PDE1C: variants seen among roughly 807,000 people sequenced by gnomAD.
The protein encoded by PDE1C is phosphodiesterase 1C, also known as dual specificity calcium/calmodulin-dependent 3',5'-cyclic nucleotide phosphodiesterase 1C.
A neutral mutation model predicts 93.1 loss-of-function variants in PDE1C; 62 were observed. The observed-to-expected ratio is 0.67, with a 90% CI of 0.54 to 0.82. The LOEUF is 0.82. Ranked by LOEUF, PDE1C falls within the 40% of genes least tolerant of loss-of-function variation. The pLI is 0.00. For synonymous variants in PDE1C, 325 were observed against 310.1 expected (o/e 1.05, Z -0.50); for missense variants, 742 against 884.6 (o/e 0.84, Z 2.04).
At chr7:32,058,234 T>C (rs2128703436) in intron 1 of PDE1C, among the ~76,000 whole-genome samples, 1 of 152,290 alleles carries the variant, frequency 6.6e-6, no homozygotes, top group South Asian at 2.1e-4. Context: ...CTGTCTCCAT[T>C]CTTTTCTCCA....
chr7:31,807,411 C>A (rs184201549), intron 16 of PDE1C, among the ~76,000 whole-genome samples: 1 of 151,862 alleles, frequency 6.6e-6, no homozygotes, highest in African/African-American at 2.4e-5. Flanking sequence ...CCCCCTCCCC[C>A]CAAAAAAACC....
the PDE1C span, among the ~76,000 whole-genome samples, chr7:31,677,395 A>G: frequency 6.6e-6 from 1 of 152,208 alleles, no homozygotes; most frequent in South Asian, 2.1e-4. Context: ...ATCCATGCAA[A>G]TACCTTAAAC....
At chr7:31,929,271 C>T (rs1385201908) in intron 2 of PDE1C, among the ~76,000 whole-genome samples, 3 of 152,142 alleles carry the variant, frequency 2.0e-5, no homozygotes, top group Admixed American at 1.3e-4. Context: ...AATACAGGAG[C>T]TCCCAGATTC....
chr7:31,973,455 T>C (rs973488027), intron 2 of PDE1C, among the ~76,000 whole-genome samples: 9 of 152,150 alleles, frequency 5.9e-5, no homozygotes, highest in African/African-American at 2.2e-4. Context: ...ATGGAATTCA[T>C]ATGGGAAAAA....
At chr7:31,673,711 AGTTT>A in the PDE1C span, among the ~76,000 whole-genome samples, 1 of 52,062 alleles carries the variant, frequency 1.9e-5, no homozygotes, top group Non-Finnish European at 3.4e-5. Context: ...GGTAGAAACT[AGTTT>A]TTTTTTTTTT....
At chr7:32,162,270 A>G (rs954862433) in intron 3 of PDE1C, among the ~76,000 whole-genome samples, 5 of 152,196 alleles carry the variant, frequency 3.3e-5, no homozygotes, top group African/African-American at 1.2e-4. Flanking sequence ...TGCATCAAAT[A>G]TAAAATTAAA....
At chr7:32,080,535 C>T (rs941574521) in intron 3 of PDE1C, among the ~76,000 whole-genome samples, 3 of 152,198 alleles carry the variant, frequency 2.0e-5, no homozygotes, top group Non-Finnish European at 4.4e-5. Context: ...CCTTTCAGTG[C>T]ATAAAGGGTT....
intron 3 of PDE1C, among the ~76,000 whole-genome samples, chr7:32,085,111 C>T (rs1178138822): frequency 2.0e-5 from 3 of 147,822 alleles, no homozygotes; most frequent in African/African-American, 7.6e-5. Context: ...GCTAGCAAGA[C>T]TAATAAAGAA....
the PDE1C span, among the ~76,000 whole-genome samples, chr7:31,663,324 C>G: frequency 6.6e-6 from 1 of 152,286 alleles, no homozygotes; most frequent in Non-Finnish European, 1.5e-5. Context: ...CTGCTCTTGC[C>G]ACCGCGTTGT....
At chr7:31,958,453 C>G (rs1034791519) in intron 2 of PDE1C, among the ~76,000 whole-genome samples, 2 of 152,208 alleles carry the variant, frequency 1.3e-5, no homozygotes, top group Admixed American at 6.5e-5. Flanking sequence ...TTTACAGACA[C>G]TCTATGACTA....
chr7:32,183,139 T>C (rs1014811087), intron 2 of PDE1C, among the ~76,000 whole-genome samples: 1 of 151,978 alleles, frequency 6.6e-6, no homozygotes, highest in Non-Finnish European at 1.5e-5. Context: ...CACTGCTCAA[T>C]GAAATAAAAG....
the PDE1C span, among the ~76,000 whole-genome samples, chr7:31,699,340 A>G: frequency 6.6e-6 from 1 of 152,162 alleles, no homozygotes; most frequent in African/African-American, 2.4e-5. Flanking sequence ...CTGTTTTCTA[A>G]CAGAGAGGGG....
intron 3 of PDE1C, among the ~76,000 whole-genome samples, chr7:32,109,106 T>C (rs1235766206): frequency 6.6e-6 from 1 of 152,136 alleles, no homozygotes; most frequent in Non-Finnish European, 1.5e-5. Flanking sequence ...GGCCCACCCT[T>C]CTCTGGACAC....
intron 3 of PDE1C, among the ~76,000 whole-genome samples, chr7:32,112,846 GTATATATATATATA>G (rs1203879712): frequency 1.6e-3 from 92 of 59,166 alleles, no homozygotes; most frequent in African/African-American, 5.0e-3. Context: ...GTGTGTGTGT[GTATATATATATATA>G]TATATATATA....
intron 7 of PDE1C, among the ~76,000 whole-genome samples, chr7:31,858,516 G>A (rs1157735104): frequency 1.3e-5 from 2 of 152,098 alleles, no homozygotes; most frequent in Non-Finnish European, 2.9e-5. Flanking sequence ...GTTTGATCCT[G>A]TAGCAAAATA....
chr7:31,707,200 G>A, the PDE1C span: 4 of 1,612,994 alleles, frequency 2.5e-6, no homozygotes, highest in African/African-American at 5.3e-5. Context: ...GCTTTGTTTT[G>A]CAGGTGTGAC....
intron 16 of PDE1C, among the ~76,000 whole-genome samples, chr7:31,799,987 A>C (rs1785795071): frequency 6.6e-6 from 1 of 151,830 alleles, no homozygotes. Flanking sequence ...TTTTATCTTA[A>C]TATGGTTTTA....
chr7:31,850,635 C>G lies in PDE1C; in HGVS notation c.851+6G>C, dbSNP rs541384455. The G allele has an allele frequency of 2.3e-5, 36 of 1,595,726 alleles. No individual in the cohort carries two copies. The South Asian group carries it at 2.9e-4, about 13-fold the overall frequency. On this transcript the variant is annotated splice_donor_region_variant and intron_variant, in intron 8 of 17. Coordinates refer to ENST00000396191, the MANE Select transcript of PDE1C (RefSeq NM_001191057.4). ...GCCTCTCTTCCAAACATTTAAACACCCTCACCGAGTCTGAATGTGGAAATT... is the reference window on the plus strand; with the variant it reads ...GCCTCTCTTCCAAACATTTAAACACGCTCACCGAGTCTGAATGTGGAAATT...
At chr7:32,010,598 G>A (rs568524452) in intron 2 of PDE1C, among the ~76,000 whole-genome samples, 1 of 152,298 alleles carries the variant, frequency 6.6e-6, no homozygotes, top group East Asian at 1.9e-4. Context: ...TGCAATGTCT[G>A]CCATAGAAAA....
Sources: allele counts gnomAD v4.1 joint callset (sites outside exome capture counted in the v4.1 genomes callset), GRCh38; gene constraint gnomAD v4.1.1; transcripts MANE v1.5; gene names NCBI Gene and HGNC (gene_info 2026-07-23, HGNC 2026-07-21).